NR5A2: variants seen among roughly 807,000 people sequenced by gnomAD.
NR5A2 encodes the protein CYP7A promoter-binding factor.
A neutral mutation model predicts 62.7 loss-of-function variants in NR5A2; 26 were observed. That is an observed-to-expected ratio of 0.41 (90% confidence interval 0.30 to 0.58). NR5A2 has a LOEUF of 0.58. Among genes scored for constraint, NR5A2 ranks in the 20% least tolerant of loss-of-function variants. NR5A2 has a pLI of 0.22. For synonymous variants in NR5A2, 246 were observed against 241.7 expected (o/e 1.02, Z -0.16); for missense variants, 541 against 669.1 (o/e 0.81, Z 2.11).
intron 7 of NR5A2, among the ~76,000 whole-genome samples, chr1:200,170,850 A>T (rs914703400): frequency 6.6e-6 from 1 of 152,258 alleles, no homozygotes; most frequent in African/African-American, 2.4e-5. Context: ...GATCCATTAC[A>T]TATATGCCAA....
rs1664120881 is a variant in NR5A2 at position 200,078,014 on chromosome 1, T to G, written c.1110+29196T>G. ...TCATGGACTCATTGAAGCCTAGTGA[T>G]AGTCCCAGGTAAAGAAGCTAGTTAA... On this transcript the variant is annotated intron_variant, in intron 5 of 7. Transcript: ENST00000367362. Among the ~76,000 whole-genome samples the G allele has an allele frequency of 2.0e-5, 3 of 152,170 alleles. 1 individual carries two copies. In the South Asian group the frequency reaches 6.2e-4, roughly 31 times the overall value.
chr1:200,048,793 G>A lies in NR5A2; in HGVS notation c.1085G>A (p.Ser362Asn). Residue 362 changes from serine (S) to asparagine (N), a missense_variant, in exon 5 of 8, where the codon AGT becomes AAT. Ser to Asn is a conservative substitution (Grantham distance 46, BLOSUM62 1). Coordinates refer to ENST00000367362, the MANE Select transcript of NR5A2 (RefSeq NM_205860.3). The surrounding 1 kb of genome is among the most constrained non-coding windows in gnomAD (Gnocchi z 4.8). Reference sequence around the variant, plus strand: ...TTCTCCATTGTCGAGTGGGCCAGGAGTAGTATCTTCTTCAGAGAACTTAAG... The same window carrying A: ...TTCTCCATTGTCGAGTGGGCCAGGAATAGTATCTTCTTCAGAGAACTTAAG... ...TLFSIVEWAR[S>N]SIFFRELKVD... 2 of 1,614,140 alleles carry A rather than the reference G, an allele frequency of 1.2e-6. No homozygotes were observed. The highest frequency in any genetic ancestry group is 1.7e-6 in the Non-Finnish European group (2 of 1,179,984).
intron 5 of NR5A2, among the ~76,000 whole-genome samples, chr1:200,074,748 A>AAAAAAAAAAAAAAAAAAC (rs1663942231): frequency 6.7e-6 from 1 of 148,472 alleles, no homozygotes. Context: ...AAAAAAAAAA[A>AAAAAAAAAAAAAAAAAAC]AAAAAAAACA....
chr1:200,115,036 C>G (rs1666150643), intron 6 of NR5A2, among the ~76,000 whole-genome samples: 1 of 151,840 alleles, frequency 6.6e-6, no homozygotes, highest in African/African-American at 2.4e-5. Context: ...AATGGATATG[C>G]TTTTTTTGTG....
intron 1 of NR5A2, among the ~76,000 whole-genome samples, chr1:200,035,454 C>T (rs111602023): frequency 6.6e-6 from 1 of 152,000 alleles, no homozygotes; most frequent in African/African-American, 2.4e-5. Flanking sequence ...GGGTCAAGCG[C>T]GCGGGGGCTG....
rs572535417 is a variant in NR5A2 at position 200,063,068 on chromosome 1, G to A, written c.1110+14250G>A. 4.6e-5 allele frequency among the ~76,000 whole-genome samples: 7 copies of A among 151,212 alleles called. No homozygotes were observed. The South Asian group carries it at 1.5e-3, about 32-fold the overall frequency. ...AGATGGAGTCTCATTCTGTCACCCA[G>A]GCTGGAGTGCAGTGTCGCGATTTCG... is the stretch of plus-strand genomic sequence containing the variant. On this transcript the variant is annotated intron_variant, in intron 5 of 7. Coordinates refer to ENST00000367362, the MANE Select transcript of NR5A2 (RefSeq NM_205860.3).
chr1:200,136,896 C>T (rs750169117), intron 7 of NR5A2, among the ~76,000 whole-genome samples: 15 of 152,168 alleles, frequency 9.9e-5, no homozygotes, highest in South Asian at 8.3e-4. Flanking sequence ...TTTATCACCA[C>T]GGTCAGAAGC....
At chr1:200,076,686 C>G (rs541204097) in intron 5 of NR5A2, among the ~76,000 whole-genome samples, 22 of 152,176 alleles carry the variant, frequency 1.4e-4, no homozygotes, top group African/African-American at 4.6e-4. Flanking sequence ...AGTGTTTTAA[C>G]TATTGAGTAG....
chr1:200,053,563 G>A (rs1010904121), intron 5 of NR5A2, among the ~76,000 whole-genome samples: 56 of 70,362 alleles, frequency 8.0e-4, no homozygotes, highest in African/African-American at 4.2e-3. Context: ...CCCCCAGCAT[G>A]CACACGCACA....
At chr1:200,042,868 T>C in intron 2 of NR5A2, 1 of 985,546 alleles carries the variant, frequency 1.0e-6, no homozygotes, top group Non-Finnish European at 1.2e-6. Flanking sequence ...TTCGTGGGTC[T>C]GCGTCCGGAG....
chr1:200,040,510 AAAAC>A (rs1027872577), intron 2 of NR5A2, among the ~76,000 whole-genome samples: 1 of 152,204 alleles, frequency 6.6e-6, no homozygotes, highest in Non-Finnish European at 1.5e-5. Flanking sequence ...TGCCAACAAA[AAAAC>A]AAATCCCGCT....
rs143850733 is a variant in NR5A2 at position 200,161,527 on chromosome 1, A to T, written c.1379-12436A>T. On this transcript the variant is annotated intron_variant, in intron 7 of 7. Transcript: ENST00000367362. ...CTATGCCCGTGATGTGGTCCCTAACACAGCTCACAGCCCCAAAATACAGGC... is the reference window on the plus strand; with the variant it reads ...CTATGCCCGTGATGTGGTCCCTAACTCAGCTCACAGCCCCAAAATACAGGC... Among the ~76,000 whole-genome samples the T allele has an allele frequency of 6.4e-3, 978 of 152,326 alleles. 9 individuals carry two copies. Among genetic ancestry groups the T allele is most frequent in the African/African-American group, 0.021 (868 of 41,570 alleles).
At chr1:200,074,616 A>G (rs1663923789) in intron 5 of NR5A2, among the ~76,000 whole-genome samples, 1 of 151,128 alleles carries the variant, frequency 6.6e-6, no homozygotes, top group African/African-American at 2.4e-5. Flanking sequence ...GGGTGCCTGT[A>G]GTCCCAGCTA....
At chr1:200,041,538 C>T (rs1662082808) in intron 2 of NR5A2, among the ~76,000 whole-genome samples, 2 of 152,200 alleles carry the variant, frequency 1.3e-5, no homozygotes, top group Admixed American at 6.5e-5. Context: ...ACTACATGGT[C>T]CCGGGACAGA....
At chr1:200,042,684 A>AG (rs888877671) in intron 2 of NR5A2, 2 of 380,256 alleles carry the variant, frequency 5.3e-6, no homozygotes, top group Non-Finnish European at 7.2e-6. Flanking sequence ...GAGTGCGGGC[A>AG]GGGTCCCGGC....
chr1:200,159,640 T>TTTA (rs59297519), intron 7 of NR5A2, among the ~76,000 whole-genome samples: 46,016 of 148,532 alleles, frequency 0.31, 7,514 homozygotes, highest in Admixed American at 0.39. Context: ...TTTTAAATTA[T>TTTA]TTATTATTAT....
At chr1:200,126,901 T>C (rs1666727620) in intron 7 of NR5A2, among the ~76,000 whole-genome samples, 1 of 152,152 alleles carries the variant, frequency 6.6e-6, no homozygotes, top group Non-Finnish European at 1.5e-5. Context: ...AATTAATTAC[T>C]GATGATCAGC....
chr1:200,038,442 C>T (rs1661883654), intron 1 of NR5A2, among the ~76,000 whole-genome samples: 1 of 152,168 alleles, frequency 6.6e-6, no homozygotes, highest in African/African-American at 2.4e-5. Flanking sequence ...GCTTGTGGCC[C>T]GCCTCTCATT....
intron 1 of NR5A2, among the ~76,000 whole-genome samples, chr1:200,034,594 G>T (rs1661681481): frequency 8.2e-6 from 1 of 121,510 alleles, no homozygotes; most frequent in African/African-American, 3.1e-5. Flanking sequence ...GTGGGAGGTT[G>T]CCCGGGGGGG....
Sources: allele counts gnomAD v4.1 joint callset (sites outside exome capture counted in the v4.1 genomes callset), GRCh38; gene constraint gnomAD v4.1.1; non-coding constraint Gnocchi (gnomAD v3.1); transcripts MANE v1.5; gene names NCBI Gene and HGNC (gene_info 2026-07-23, HGNC 2026-07-21).